The following SLC35G2 variants were observed in gnomAD, a reference collection of about 807,000 sequenced individuals.
The protein encoded by SLC35G2 is solute carrier family 35 member G2.
Under a neutral mutation model 27.2 loss-of-function variants are expected in SLC35G2, and 20 were observed. That is an observed-to-expected ratio of 0.74 (90% CI 0.52 to 1.07). SLC35G2 has a LOEUF of 1.07. SLC35G2 is among the 50% of genes least tolerant of loss of function. SLC35G2 has a pLI of 0.00. For missense variants in SLC35G2, 416 were observed against 493.3 expected (o/e 0.84, Z 1.48); for synonymous variants, 148 against 165.3 (o/e 0.90, Z 0.80).
intron 1 of SLC35G2, among the ~76,000 whole-genome samples, chr3:136,823,635 GGAGTGCAGT>G (rs1465082099): frequency 5.9e-5 from 9 of 151,820 alleles, no homozygotes; most frequent in Non-Finnish European, 1.0e-4. Flanking sequence ...CACTCAGGCT[GGAGTGCAGT>G]GAGTGCAGTG....
chr3:136,844,114 C>T (rs2108019939), intron 1 of SLC35G2, among the ~76,000 whole-genome samples: 1 of 152,266 alleles, frequency 6.6e-6, no homozygotes, highest in Admixed American at 6.5e-5. Context: ...ATTGCTTGAA[C>T]CCGGGAAGCG....
chr3:136,822,825 C>T (rs62410363), intron 1 of SLC35G2, among the ~76,000 whole-genome samples: 18,664 of 152,246 alleles, frequency 0.12, 1,425 homozygotes, highest in Middle Eastern at 0.18. Context: ...TGGACACTTA[C>T]GTTGCTTCCA....
At chr3:136,834,206 A>G (rs767352557) in intron 1 of SLC35G2, among the ~76,000 whole-genome samples, 16 of 152,312 alleles carry the variant, frequency 1.1e-4, no homozygotes, top group African/African-American at 1.2e-4. Context: ...TTAAATTGCA[A>G]TAAACAAATT....
chr3:136,850,381 G>C (rs138301989), intron 1 of SLC35G2, among the ~76,000 whole-genome samples: 126 of 152,202 alleles, frequency 8.3e-4, no homozygotes, highest in African/African-American at 2.9e-3. Flanking sequence ...TGTTACAATG[G>C]GAGGAGTTTT....
chr3:136,852,794 CTTTTTTG>C (rs935590677), intron 1 of SLC35G2, among the ~76,000 whole-genome samples: 1 of 151,522 alleles, frequency 6.6e-6, no homozygotes, highest in African/African-American at 2.4e-5. Context: ...TGCCTGGTCT[CTTTTTTG>C]TTTTTTAAGC....
At position 136,855,841 on chromosome 3, in the gene SLC35G2, C is replaced by G. The variant is rs930696831; in HGVS notation, c.*142C>G. ...TATATACAAATGCAGAAAATTTATT[C>G]TAGTCTAATATATTCAAATACAAAT... is the stretch of plus-strand genomic sequence containing the variant. On this transcript the variant is annotated 3_prime_UTR_variant, in exon 2 of 2. Coordinates refer to ENST00000446465, the MANE Select transcript of SLC35G2 (RefSeq NM_025246.3). 9.8e-6 allele frequency: 6 copies of G among 615,048 alleles called. No individual in the cohort carries two copies. The South Asian group carries it at 1.2e-4, about 12-fold the overall frequency. The allele number at this position is 615,048 out of a possible 1,614,324, so 38.1% of individuals were successfully genotyped here.
chr3:136,832,223 C>T (rs1169852890), intron 1 of SLC35G2, among the ~76,000 whole-genome samples: 3 of 152,130 alleles, frequency 2.0e-5, no homozygotes, highest in African/African-American at 4.8e-5. Flanking sequence ...ACAGTGTTAG[C>T]CAGGATGGTC....
At chr3:136,836,070 C>A (rs776098837) in intron 1 of SLC35G2, among the ~76,000 whole-genome samples, 1 of 152,026 alleles carries the variant, frequency 6.6e-6, no homozygotes, top group Non-Finnish European at 1.5e-5. Context: ...GTGGTCATTG[C>A]TACTGGAGTG....
intron 1 of SLC35G2, among the ~76,000 whole-genome samples, chr3:136,821,525 C>T (rs1288335011): frequency 5.9e-5 from 9 of 152,276 alleles, no homozygotes; most frequent in African/African-American, 1.9e-4. Flanking sequence ...CCGCTCACTG[C>T]AACCTCTGCC....
At chr3:136,852,385 A>C (rs1337567074) in intron 1 of SLC35G2, among the ~76,000 whole-genome samples, 1 of 152,178 alleles carries the variant, frequency 6.6e-6, no homozygotes, top group East Asian at 1.9e-4. Context: ...GGTGTCGAAG[A>C]ACAAAATGAG....
chr3:136,834,656 C>T (rs557765540), intron 1 of SLC35G2, among the ~76,000 whole-genome samples: 1 of 152,260 alleles, frequency 6.6e-6, no homozygotes, highest in African/African-American at 2.4e-5. Flanking sequence ...TTCATCATCA[C>T]CACCACCACT....
intron 1 of SLC35G2, among the ~76,000 whole-genome samples, chr3:136,822,422 C>G (rs1466343075): frequency 6.6e-6 from 1 of 152,160 alleles, no homozygotes; most frequent in Admixed American, 6.5e-5. Flanking sequence ...TCAAGTGACT[C>G]TCCTGCCTTA....
At chr3:136,828,699 C>A (rs1413810245) in intron 1 of SLC35G2, among the ~76,000 whole-genome samples, 1 of 152,164 alleles carries the variant, frequency 6.6e-6, no homozygotes, top group Non-Finnish European at 1.5e-5. Context: ...TTCAGCCAGT[C>A]TGTGTCTTTG....
At position 136,854,449 on chromosome 3, in the gene SLC35G2, T is replaced by A; in HGVS notation, c.-12T>A. The A allele has an allele frequency of 6.4e-7, 1 of 1,551,112 alleles. No homozygotes were observed. On this transcript the variant is annotated 5_prime_UTR_variant, in exon 2 of 2. Coordinates refer to ENST00000446465, the MANE Select transcript of SLC35G2 (RefSeq NM_025246.3). ...AATTTTTTTCTTTAAATAGAATTGA[T>A]TATCTGAAGAAATGGATACTTCTCC...
In SLC35G2 at chr3:136,855,048, T is replaced by C; in HGVS notation, c.588T>C (p.Thr196=). The stretch of plus-strand genomic sequence containing the variant: ...TAGTTCCTCCCAGCAATGGGACCAC[T>C]ATGTGGAGAGCCACAACTACAGTCT... The part of the protein sequence containing the change: ...FSIVPPSNGT[T]MWRATTTVFS... The change falls in exon 2 of 2, where the codon ACT becomes ACC. Residue 196 remains threonine (T), a synonymous_variant. Coordinates refer to ENST00000446465, the MANE Select transcript of SLC35G2 (RefSeq NM_025246.3). 2 of 1,614,228 alleles carry C rather than the reference T, an allele frequency of 1.2e-6. No individual in the cohort carries two copies. The highest frequency in any genetic ancestry group is 4.5e-5 in the East Asian group (2 of 44,890).
intron 1 of SLC35G2, among the ~76,000 whole-genome samples, chr3:136,823,679 G>A (rs190200018): frequency 2.0e-5 from 3 of 151,798 alleles, no homozygotes; most frequent in Middle Eastern, 3.4e-3. Context: ...CACTGCAACC[G>A]CCGCCTCCCA....
chr3:136,844,797 CAAA>C (rs58243269), intron 1 of SLC35G2, among the ~76,000 whole-genome samples: 10 of 35,752 alleles, frequency 2.8e-4, no homozygotes, highest in African/African-American at 6.8e-4. Context: ...CTCTCTGTCT[CAAA>C]AAAAAAAAAA....
At chr3:136,841,809 A>G (rs1937111770) in intron 1 of SLC35G2, 1 of 152,096 alleles carries the variant, frequency 6.6e-6, no homozygotes, top group African/African-American at 2.4e-5. Flanking sequence ...CCCCAAAATA[A>G]CATTTTTAGC....
chr3:136,854,043 A>C (rs1438893366), intron 1 of SLC35G2, among the ~76,000 whole-genome samples: 1 of 151,718 alleles, frequency 6.6e-6, no homozygotes, highest in Non-Finnish European at 1.5e-5. Flanking sequence ...CTTAACTAAT[A>C]ATTTATAACA....
Sources: allele counts gnomAD v4.1 joint callset (sites outside exome capture counted in the v4.1 genomes callset), GRCh38; gene constraint gnomAD v4.1.1; transcripts MANE v1.5; gene names NCBI Gene and HGNC (gene_info 2026-07-23, HGNC 2026-07-21).